The following VIT variants were observed in gnomAD, a reference collection of about 807,000 sequenced individuals.
The protein encoded by VIT is vitrin.
A neutral mutation model predicts 78.0 loss-of-function variants in VIT; 99 were observed. That is an observed-to-expected ratio of 1.27 (90% CI 1.08 to 1.50). VIT has a LOEUF of 1.50. Ranked by LOEUF, VIT falls within the 40% of genes most tolerant of loss-of-function variation. The pLI, the probability that VIT is intolerant of heterozygous loss-of-function variation, is 0.00. For synonymous variants in VIT, 374 were observed against 334.3 expected (o/e 1.12, Z -1.29); for missense variants, 1,126 against 875.3 (o/e 1.29, Z -3.61).
intron 12 of VIT, among the ~76,000 whole-genome samples, chr2:36,794,530 C>A (rs996875493): frequency 3.3e-5 from 5 of 152,178 alleles, no homozygotes; most frequent in African/African-American, 1.2e-4. Flanking sequence ...CTGCCACGGA[C>A]TGCAGATTCA....
intron 3 of VIT, among the ~76,000 whole-genome samples, chr2:36,739,498 G>A (rs1482673942): frequency 2.0e-5 from 3 of 152,166 alleles, no homozygotes; most frequent in Non-Finnish European, 2.9e-5. Context: ...TCTGTTCTGA[G>A]ATGAGACCTT....
intron 10 of VIT, 31 bp downstream of exon 10, chr2:36,781,802 C>G: frequency 6.2e-7 from 1 of 1,613,484 alleles, no homozygotes; most frequent in Non-Finnish European, 8.5e-7. Context: ...CTCAGCCACG[C>G]GTGGATCAAG....
intron 15 of VIT, among the ~76,000 whole-genome samples, chr2:36,812,005 G>C (rs545986694): frequency 6.6e-6 from 1 of 152,106 alleles, no homozygotes; most frequent in African/African-American, 2.4e-5. Context: ...TACTGTTTGC[G>C]TAGTTTTTTA....
At chr2:36,750,551 G>A (rs533649636) in intron 4 of VIT, among the ~76,000 whole-genome samples, 18 of 152,222 alleles carry the variant, frequency 1.2e-4, no homozygotes, top group Middle Eastern at 3.4e-3. Context: ...CACTAGGTGC[G>A]GTGGCTCACA....
At chr2:36,757,994 G>A (rs1008878700) in intron 5 of VIT, among the ~76,000 whole-genome samples, 6 of 152,070 alleles carry the variant, frequency 3.9e-5, no homozygotes, top group African/African-American at 1.4e-4. Context: ...GCAAGATAGT[G>A]CCCTAGATCC....
In VIT at chr2:36,814,626, A is replaced by C. The variant is rs181449472; in HGVS notation, c.*265A>C. 10 of 435,606 alleles carry C rather than the reference A, an allele frequency of 2.3e-5. No individual in the cohort carries two copies. Among genetic ancestry groups the C allele is most frequent in the African/African-American group, 1.8e-4 (9 of 50,888 alleles). 27.0% of individuals were successfully genotyped at this position (435,606 alleles called of 1,614,324 possible). On this transcript the variant is annotated 3_prime_UTR_variant, in exon 16 of 16. Coordinates refer to ENST00000379242, the MANE Select transcript of VIT (RefSeq NM_053276.4). ...TTTACATTTTGACAATTGTTTTCAA[A>C]ATAAATGTTCGGAATACAGTGCAGC...
intron 2 of VIT, among the ~76,000 whole-genome samples, chr2:36,717,895 C>T (rs185941706): frequency 1.6e-3 from 250 of 152,280 alleles, no homozygotes; most frequent in African/African-American, 4.6e-3. Context: ...AGGGTTGGTT[C>T]TTTCAGAGGG....
chr2:36,761,676 G>T (rs189524031), intron 6 of VIT, among the ~76,000 whole-genome samples: 53 of 152,130 alleles, frequency 3.5e-4, no homozygotes, highest in African/African-American at 1.2e-3. Context: ...GGAGGTGGAG[G>T]TTGCAGTGAG....
At chr2:36,793,299 GA>G (rs200163894) in intron 12 of VIT, among the ~76,000 whole-genome samples, 1,638 of 151,036 alleles carry the variant, frequency 0.011, 18 homozygotes, top group African/African-American at 0.037. Flanking sequence ...AGTTATTGCA[GA>G]AAAAAAAACC....
chr2:36,728,354 A>G (rs1266758936), intron 2 of VIT, among the ~76,000 whole-genome samples: 1 of 152,194 alleles, frequency 6.6e-6, no homozygotes, highest in South Asian at 2.1e-4. Flanking sequence ...TCAAAAATAG[A>G]AAAAAGCTTA....
At chr2:36,756,789 A>C (rs1233638199) in intron 5 of VIT, among the ~76,000 whole-genome samples, 1 of 152,196 alleles carries the variant, frequency 6.6e-6, no homozygotes, top group Non-Finnish European at 1.5e-5. Context: ...AGAGAAATAT[A>C]ATCTCCGCAT....
intron 1 of VIT, among the ~76,000 whole-genome samples, chr2:36,704,085 C>T (rs1482352750): frequency 6.6e-6 from 1 of 152,012 alleles, no homozygotes; most frequent in Non-Finnish European, 1.5e-5. Context: ...GCCACCATGC[C>T]TGGCTAATTT....
intron 12 of VIT, among the ~76,000 whole-genome samples, chr2:36,789,148 G>T (rs903007417): frequency 6.6e-6 from 1 of 151,992 alleles, no homozygotes; most frequent in Admixed American, 6.6e-5. Context: ...TATCATCTTC[G>T]CCCTCCCCCA....
intron 2 of VIT, among the ~76,000 whole-genome samples, chr2:36,719,882 T>G (rs1272486112): frequency 6.6e-6 from 1 of 152,070 alleles, no homozygotes; most frequent in Non-Finnish European, 1.5e-5. Flanking sequence ...ATTGAGGCTA[T>G]AGTGAGCCAT....
At chr2:36,703,635 TA>T (rs1007661524) in intron 1 of VIT, among the ~76,000 whole-genome samples, 1 of 152,210 alleles carries the variant, frequency 6.6e-6, no homozygotes, top group Non-Finnish European at 1.5e-5. Flanking sequence ...CAGGCTCAAA[TA>T]TGACGCTTGA....
intron 11 of VIT, 92 bp from the exon 12 acceptor site, chr2:36,787,037 G>A (rs901691722): frequency 9.4e-6 from 14 of 1,489,428 alleles, no homozygotes; most frequent in Non-Finnish European, 1.3e-5. Flanking sequence ...TCATTTCTCA[G>A]GGGGCTCTGA....
At chr2:36,800,355 G>C (rs959685877) in intron 12 of VIT, among the ~76,000 whole-genome samples, 9 of 152,064 alleles carry the variant, frequency 5.9e-5, no homozygotes, top group Admixed American at 3.3e-4. Flanking sequence ...AAAAAAGAAA[G>C]AAAGAAAAAA....
intron 3 of VIT, among the ~76,000 whole-genome samples, chr2:36,731,299 G>C (rs886645305): frequency 1.3e-5 from 2 of 151,914 alleles, no homozygotes; most frequent in African/African-American, 2.4e-5. Flanking sequence ...TTTTGAGATG[G>C]AGTCTCACTC....
chr2:36,750,278 C>T (rs184492189), intron 4 of VIT, among the ~76,000 whole-genome samples: 46 of 152,376 alleles, frequency 3.0e-4, no homozygotes, highest in Admixed American at 8.5e-4. Context: ...CCCACACATA[C>T]TTCCAGCCCA....
Sources: gnomAD v4.1 joint callset for allele counts (sites outside exome capture counted in the v4.1 genomes callset) on GRCh38, gnomAD v4.1.1 for gene constraint, MANE v1.5 for transcripts, NCBI Gene and HGNC (gene_info 2026-07-23, HGNC 2026-07-21) for gene names.